Variants in KLHL31 observed in about 807,000 individuals in gnomAD.
KLHL31 encodes kelch like family member 31, also known as kelch-like protein 31.
A neutral mutation model predicts 47.1 loss-of-function variants in KLHL31; 32 were observed. The observed-to-expected ratio is 0.68, with a 90% CI of 0.51 to 0.91. The LOEUF (loss-of-function observed/expected upper bound fraction) is 0.91, where lower values mean the gene tolerates loss of function less well. Among genes scored for constraint, KLHL31 ranks in the 40% least tolerant of loss-of-function variants. KLHL31 has a pLI of 0.00. For synonymous variants in KLHL31, 330 were observed against 325.1 expected (o/e 1.01, Z -0.16); for missense variants, 797 against 819.3 (o/e 0.97, Z 0.33).
chr6:53,659,490 A>G (rs1581790779), intron 1 of KLHL31, among the ~76,000 whole-genome samples: 1 of 152,276 alleles, frequency 6.6e-6, no homozygotes, highest in South Asian at 2.1e-4. Flanking sequence ...AAAAAGGACT[A>G]TTGTGGTGGG....
rs1416896342 is a variant in KLHL31 at position 53,650,774 on chromosome 6, C to A, written c.*824G>T. Reference sequence around the variant, plus strand: ...GGCTCCCAGGGTATGTGAAATTCTTCTTTAATAGAGGACAAGGGATAAAAT... The same window carrying A: ...GGCTCCCAGGGTATGTGAAATTCTTATTTAATAGAGGACAAGGGATAAAAT... On this transcript the variant is annotated 3_prime_UTR_variant, in exon 3 of 3. Transcript: ENST00000370905. 2.0e-5 allele frequency: 3 copies of A among 152,096 alleles called. No homozygotes were observed. Among genetic ancestry groups the A allele is most frequent in the African/African-American group, 7.2e-5 (3 of 41,412 alleles). 9.4% of individuals were successfully genotyped at this position (152,096 alleles called of 1,614,324 possible).
intron 1 of KLHL31, among the ~76,000 whole-genome samples, chr6:53,659,551 T>G (rs1334102505): frequency 2.0e-5 from 3 of 152,108 alleles, no homozygotes; most frequent in African/African-American, 7.2e-5. Flanking sequence ...TGTTGGGTCT[T>G]GGTAACTGAA....
chr6:53,651,928 C>A lies in KLHL31; in HGVS notation c.1575G>T (p.Pro525=), dbSNP rs1159487673. The change falls in exon 3 of 3, where the codon CCG becomes CCT. Residue 525 remains proline, a synonymous_variant. Coordinates refer to ENST00000370905, the MANE Select transcript of KLHL31 (RefSeq NM_001003760.5). The part of the protein sequence containing the change: ...VYVMGGSQLG[P]RGERVDVLTV... ...TGAGCACGTCCACGCGCTCCCCGCG[C>A]GGCCCCAGCTGGCTGCCGCCCATCA... 1 of 1,589,326 alleles carries A rather than the reference C, an allele frequency of 6.3e-7. No individual in the cohort carries two copies. Among genetic ancestry groups the A allele is most frequent in the Non-Finnish European group, 8.5e-7 (1 of 1,174,304 alleles).
At chr6:53,661,041 C>G (rs1192448600) in intron 1 of KLHL31, among the ~76,000 whole-genome samples, 1 of 152,140 alleles carries the variant, frequency 6.6e-6, no homozygotes, top group Non-Finnish European at 1.5e-5. Context: ...TCAGAGGAAC[C>G]TGGGGATCAG....
Position 53,651,542 on chromosome 6 carries a change from A to T in KLHL31, c.*56T>A, listed in dbSNP as rs1764464679. 4 of 1,559,578 alleles carry T rather than the reference A, an allele frequency of 2.6e-6. No homozygotes were observed. In the South Asian group the frequency reaches 4.8e-5, roughly 19 times the overall value. On this transcript the variant is annotated 3_prime_UTR_variant, in exon 3 of 3. Transcript: ENST00000370905. ...CTTTTCGCGAACTCAGAGGTTAACC[A>T]CGTGGCTCTACGAATAAATAACGTG...
chr6:53,660,070 C>T (rs1764623612), intron 1 of KLHL31, among the ~76,000 whole-genome samples: 1 of 151,980 alleles, frequency 6.6e-6, no homozygotes, highest in Non-Finnish European at 1.5e-5. Context: ...ACAAATGAAT[C>T]CGAGCTAACC....
At chr6:53,661,703 G>A (rs888270732) in intron 1 of KLHL31, among the ~76,000 whole-genome samples, 1 of 152,166 alleles carries the variant, frequency 6.6e-6, no homozygotes, top group Non-Finnish European at 1.5e-5. Flanking sequence ...TGTAGTCAGA[G>A]CAATTCATAC....
chr6:53,655,258 C>A lies in KLHL31; in HGVS notation c.15G>T (p.Lys5Asn). 1 of 1,563,476 alleles carries A rather than the reference C, an allele frequency of 6.4e-7. No homozygotes were observed. The highest frequency in any genetic ancestry group is 8.6e-7 in the Non-Finnish European group (1 of 1,158,202). The change falls in exon 2 of 3, where the codon AAG becomes AAT. Residue 5 changes from lysine (K) to asparagine (N), a missense_variant. Coordinates refer to ENST00000370905, the MANE Select transcript of KLHL31 (RefSeq NM_001003760.5). Reference protein sequence around the residue: MAPKKKIVKKNKGDI... With the variant: MAPKNKIVKKNKGDI... ...CTCCTTTGTTCTTTTTGACAATCTT[C>A]TTTTTGGGTGCCATGTTGGCAAATA... is the stretch of plus-strand genomic sequence containing the variant.
chr6:53,657,610 TTGTGTGTGTGTGTGTGTGTGTGTGTGTG>T (rs57566339), intron 1 of KLHL31, among the ~76,000 whole-genome samples: 3 of 138,722 alleles, frequency 2.2e-5, no homozygotes, highest in African/African-American at 8.0e-5. Context: ...TGTTTTTGTT[TTGTGTGTGTGTGTGTGTGTGTGTGTGTG>T]TGTGTGTGTG....
At position 53,654,401 on chromosome 6, in the gene KLHL31, G is replaced by T; in HGVS notation, c.872C>A (p.Ala291Asp). The T allele has an allele frequency of 6.2e-7, 1 of 1,614,202 alleles. No homozygotes were observed. Residue 291 changes from alanine (A) to aspartate (D), a missense_variant, in exon 2 of 3, where the codon GCT becomes GAT. By Grantham distance (126) the Ala-to-Asp change is moderately radical. Coordinates refer to ENST00000370905, the MANE Select transcript of KLHL31 (RefSeq NM_001003760.5). Reference sequence around the variant, plus strand: ...ATATGGAAGCAAGTGGTAGTTCATAGCATCTACGAGAAGTCTGTGACAATC... The same window carrying T: ...ATATGGAAGCAAGTGGTAGTTCATATCATCTACGAGAAGTCTGTGACAATC... ...DADCHRLLVD[A>D]MNYHLLPYHQ...
intron 2 of KLHL31, among the ~76,000 whole-genome samples, chr6:53,653,791 G>A (rs945015560): frequency 6.6e-6 from 1 of 152,184 alleles, no homozygotes; most frequent in African/African-American, 2.4e-5. Flanking sequence ...AACTAGAAGT[G>A]AGTAAATGTG....
chr6:53,662,783 A>G, intron 1 of KLHL31, among the ~76,000 whole-genome samples: 1 of 152,238 alleles, frequency 6.6e-6, no homozygotes, highest in Non-Finnish European at 1.5e-5. Context: ...GGGCAGAATT[A>G]CGTAAATCAT....
In KLHL31 at chr6:53,654,668, A is replaced by G. The variant is rs1323063017; in HGVS notation, c.605T>C (p.Phe202Ser). The change falls in exon 2 of 3, where the codon TTT becomes TCT. Residue 202 changes from phenylalanine to serine, a missense_variant. By Grantham distance (155) the Phe-to-Ser change is radical. Coordinates refer to ENST00000370905, the MANE Select transcript of KLHL31 (RefSeq NM_001003760.5). ...TTTCATAAACTGATCCGATTCTGCAAATTCAAGGAAGTTATCCCGAATAAA... is the reference window on the plus strand; with the variant it reads ...TTTCATAAACTGATCCGATTCTGCAGATTCAAGGAAGTTATCCCGAATAAA... The part of the protein sequence containing the change: ...QKFIRDNFLE[F>S]AESDQFMKLT... 1 of 1,614,112 alleles carries G rather than the reference A, an allele frequency of 6.2e-7. No individual in the cohort carries two copies. Among genetic ancestry groups the G allele is most frequent in the African/African-American group, 1.3e-5 (1 of 74,938 alleles).
intron 1 of KLHL31, among the ~76,000 whole-genome samples, chr6:53,663,843 T>C (rs1764681409): frequency 1.3e-5 from 2 of 152,164 alleles, no homozygotes; most frequent in South Asian, 4.1e-4. Flanking sequence ...AACTGAAAAT[T>C]GGGTTTCGGT....
chr6:53,648,795 T>C lies in KLHL31; in HGVS notation c.*2803A>G, dbSNP rs2127366619. Reference sequence around the variant, plus strand: ...TTGGCACCAAGAACCTAACTAAAAATGGACAAAGTATGTTAAAGTTTGGCT... The same window carrying C: ...TTGGCACCAAGAACCTAACTAAAAACGGACAAAGTATGTTAAAGTTTGGCT... On this transcript the variant is annotated 3_prime_UTR_variant, in exon 3 of 3. Coordinates refer to ENST00000370905, the MANE Select transcript of KLHL31 (RefSeq NM_001003760.5). The C allele has an allele frequency of 6.6e-6, 1 of 152,232 alleles. No individual in the cohort carries two copies. The highest frequency in any genetic ancestry group is 2.4e-5 in the African/African-American group (1 of 41,540). The allele number at this position is 152,232 out of a possible 1,614,324, so 9.4% of individuals were successfully genotyped here.
rs6942249 is a variant in KLHL31 at position 53,650,685 on chromosome 6, G to A, written c.*913C>T. ...CATAGTTTTATTTGGTGATCTTCGCGGGGTGTACATTAGGGCCAAGGTTGC... is the reference window on the plus strand; with the variant it reads ...CATAGTTTTATTTGGTGATCTTCGCAGGGTGTACATTAGGGCCAAGGTTGC... On this transcript the variant is annotated 3_prime_UTR_variant, in exon 3 of 3. Transcript: ENST00000370905. 51,439 of 151,956 alleles carry A rather than the reference G, an allele frequency of 0.34. 11,141 individuals are homozygous for A. Among genetic ancestry groups the A allele is most frequent in the African/African-American group, 0.63 (25,950 of 41,424 alleles). The allele number at this position is 151,956 out of a possible 1,614,324, so 9.4% of individuals were successfully genotyped here.
At position 53,651,522 on chromosome 6, in the gene KLHL31, C is replaced by T; in HGVS notation, c.*76G>A. 5 of 1,493,320 alleles carry T rather than the reference C, an allele frequency of 3.3e-6. No individual in the cohort carries two copies. The highest frequency in any genetic ancestry group is 4.5e-6 in the Non-Finnish European group (5 of 1,113,490). 92.5% of individuals were successfully genotyped at this position (1,493,320 alleles called of 1,614,324 possible). ...AGTAAATGTTAAATATTTTCCTTTT[C>T]GCGAACTCAGAGGTTAACCACGTGG... On this transcript the variant is annotated 3_prime_UTR_variant, in exon 3 of 3. Coordinates refer to ENST00000370905, the MANE Select transcript of KLHL31 (RefSeq NM_001003760.5).
At chr6:53,659,374 G>A (rs552157233) in intron 1 of KLHL31, among the ~76,000 whole-genome samples, 322 of 152,286 alleles carry the variant, frequency 2.1e-3, no homozygotes, top group African/African-American at 7.3e-3. Context: ...TGATAGGTAG[G>A]GCTAACCCCG....
At chr6:53,656,671 T>C (rs1265602703) in intron 1 of KLHL31, among the ~76,000 whole-genome samples, 3 of 152,134 alleles carry the variant, frequency 2.0e-5, no homozygotes, top group Non-Finnish European at 4.4e-5. Context: ...ATATATTCAC[T>C]AAAATAACTT....
Sources: allele counts gnomAD v4.1 joint callset (sites outside exome capture counted in the v4.1 genomes callset), GRCh38; gene constraint gnomAD v4.1.1; transcripts MANE v1.5; gene names NCBI Gene and HGNC (gene_info 2026-07-23, HGNC 2026-07-21).